The following CSMD1 variants were observed in gnomAD, a reference collection of about 807,000 sequenced individuals.
The protein encoded by CSMD1 is CUB and sushi domain-containing protein 1.
In CSMD1, 213 loss-of-function variants were observed where a neutral mutation model predicts 417.5. The observed-to-expected ratio is 0.51, with a 90% confidence interval of 0.46 to 0.57. CSMD1 has a LOEUF of 0.57. CSMD1 is among the 20% of genes least tolerant of loss of function. CSMD1 has a pLI of 0.00. For synonymous variants in CSMD1, 2,862 were observed against 1,736.8 expected, an observed-to-expected ratio of 1.65 and a Z score of -16.11; for missense variants, 6,923 against 4,529.7, an observed-to-expected ratio of 1.53 and a Z score of -15.17.
intron 2 of CSMD1, among the ~76,000 whole-genome samples, chr8:4,520,148 G>C (rs1351745588): frequency 6.6e-6 from 1 of 152,158 alleles, no homozygotes; most frequent in African/African-American, 2.4e-5. Context: ...AAGTGGTAGA[G>C]CTAAAATCAG....
At chr8:4,866,408 T>C (rs1035407636) in intron 1 of CSMD1, among the ~76,000 whole-genome samples, 1 of 152,028 alleles carries the variant, frequency 6.6e-6, no homozygotes, top group Non-Finnish European at 1.5e-5. Flanking sequence ...TCTCTCTAAT[T>C]GTTTCTCTAA....
intron 7 of CSMD1, among the ~76,000 whole-genome samples, chr8:3,653,312 T>TTTG (rs747011548): frequency 2.8e-4 from 42 of 152,156 alleles, no homozygotes; most frequent in Non-Finnish European, 5.1e-4. Context: ...TGGGGGTTCT[T>TTTG]TTGTTGTTGT....
intron 1 of CSMD1, among the ~76,000 whole-genome samples, chr8:4,690,368 TG>T (rs781409367): frequency 4.3e-4 from 66 of 152,270 alleles, no homozygotes; most frequent in Non-Finnish European, 6.8e-4. Context: ...TAGTTTTGAA[TG>T]AGTAAATGGG....
chr8:4,691,149 G>A (rs1806741814), intron 1 of CSMD1, among the ~76,000 whole-genome samples: 1 of 152,196 alleles, frequency 6.6e-6, no homozygotes, highest in Non-Finnish European at 1.5e-5. Flanking sequence ...AACTGCAAGG[G>A]AAGGAAGTGA....
chr8:3,977,532 C>T (rs1449535686), intron 5 of CSMD1, among the ~76,000 whole-genome samples: 2 of 152,082 alleles, frequency 1.3e-5, no homozygotes, highest in South Asian at 2.1e-4. Flanking sequence ...TTGGATTCTG[C>T]TGTTCAGAGC....
At chr8:3,199,408 T>G (rs1300506354) in intron 33 of CSMD1, among the ~76,000 whole-genome samples, 2 of 152,280 alleles carry the variant, frequency 1.3e-5, no homozygotes, top group African/African-American at 4.8e-5. Flanking sequence ...TAAAATACTG[T>G]ATTTGAAGTC....
At chr8:2,991,455 T>G (rs1407278260) in intron 54 of CSMD1, among the ~76,000 whole-genome samples, 1 of 152,174 alleles carries the variant, frequency 6.6e-6, no homozygotes, top group African/African-American at 2.4e-5. Flanking sequence ...GAAACCAGAA[T>G]CATTTTCTAA....
chr8:3,204,065 G>C (rs150471860), intron 31 of CSMD1, among the ~76,000 whole-genome samples: 407 of 152,236 alleles, frequency 2.7e-3, no homozygotes, highest in Non-Finnish European at 4.4e-3. Flanking sequence ...GTAACGAATG[G>C]GGGAAGAAAG....
chr8:3,969,114 G>A (rs984396626), intron 5 of CSMD1, among the ~76,000 whole-genome samples: 1 of 152,136 alleles, frequency 6.6e-6, no homozygotes, highest in African/African-American at 2.4e-5. Context: ...AGCCAGGCTT[G>A]GTGGCATATG....
intron 1 of CSMD1, among the ~76,000 whole-genome samples, chr8:4,764,951 G>C (rs2117116116): frequency 6.8e-6 from 1 of 148,008 alleles, no homozygotes; most frequent in Non-Finnish European, 1.5e-5. Flanking sequence ...TAATTTCCAT[G>C]TTGCACACTC....
intron 3 of CSMD1, among the ~76,000 whole-genome samples, chr8:4,195,002 C>A (rs1799247758): frequency 6.6e-6 from 1 of 152,098 alleles, no homozygotes; most frequent in African/African-American, 2.4e-5. Flanking sequence ...GGGAATTTTC[C>A]ATCTCTTCAC....
At chr8:4,052,661 G>A (rs1011921863) in intron 3 of CSMD1, among the ~76,000 whole-genome samples, 8 of 152,116 alleles carry the variant, frequency 5.3e-5, no homozygotes, top group Admixed American at 5.2e-4. Flanking sequence ...AATTCTGATA[G>A]AAGGAATCAT....
intron 5 of CSMD1, among the ~76,000 whole-genome samples, chr8:3,868,229 A>G (rs572896985): frequency 1.3e-3 from 148 of 118,240 alleles, no homozygotes; most frequent in African/African-American, 6.8e-3. Flanking sequence ...CAGAACGAGG[A>G]TGGGGGGGCA....
intron 3 of CSMD1, among the ~76,000 whole-genome samples, chr8:4,187,385 G>A (rs531046786): frequency 1.1e-4 from 17 of 152,226 alleles, no homozygotes; most frequent in East Asian, 3.9e-4. Flanking sequence ...GGTGGCTGAT[G>A]CCTATAATCC....
chr8:3,369,903 C>A (rs1469219264), intron 18 of CSMD1, among the ~76,000 whole-genome samples: 1 of 152,194 alleles, frequency 6.6e-6, no homozygotes, highest in African/African-American at 2.4e-5. Context: ...CTCAGCTTCT[C>A]ACTAGCTCTG....
At chr8:3,990,752 G>A (rs1422575051) in intron 5 of CSMD1, among the ~76,000 whole-genome samples, 2 of 152,124 alleles carry the variant, frequency 1.3e-5, no homozygotes, top group African/African-American at 2.4e-5. Context: ...AGTTGCAGGG[G>A]CACCTGCTGG....
chr8:4,231,798 T>C (rs1033355994), intron 3 of CSMD1, among the ~76,000 whole-genome samples: 4 of 152,204 alleles, frequency 2.6e-5, no homozygotes, highest in Admixed American at 1.3e-4. Context: ...CTCAGGGTTC[T>C]ACCTAACAAA....
chr8:3,440,451 A>G (rs532823363), intron 12 of CSMD1, among the ~76,000 whole-genome samples: 1 of 152,288 alleles, frequency 6.6e-6, no homozygotes, highest in Non-Finnish European at 1.5e-5. Context: ...ACGTGTTCAT[A>G]TTATTATATA....
intron 19 of CSMD1, among the ~76,000 whole-genome samples, chr8:3,368,428 C>G (rs1157491932): frequency 6.6e-6 from 1 of 152,168 alleles, no homozygotes; most frequent in African/African-American, 2.4e-5. Context: ...CTTCCGCCTC[C>G]TGGGTTCAAG....
Sources: allele counts gnomAD v4.1 joint callset (sites outside exome capture counted in the v4.1 genomes callset), GRCh38; gene constraint gnomAD v4.1.1; transcripts MANE v1.5; gene names NCBI Gene and HGNC (gene_info 2026-07-23, HGNC 2026-07-21).